PTPRD: variants seen among roughly 807,000 people sequenced by gnomAD.
PTPRD encodes the protein receptor-type tyrosine-protein phosphatase delta.
Under a neutral mutation model 214.5 loss-of-function variants are expected in PTPRD, and 34 were observed. The observed-to-expected ratio is 0.16, with a 90% CI of 0.12 to 0.21. The LOEUF (loss-of-function observed/expected upper bound fraction) is 0.21, where lower values mean the gene tolerates loss of function less well. Among genes scored for constraint, PTPRD ranks in the 10% least tolerant of loss-of-function variants. The pLI is 1.00. For missense variants in PTPRD, 2,545 were observed against 2,398.7 expected (o/e 1.06, Z -1.27); for synonymous variants, 1,128 against 845.7 (o/e 1.33, Z -5.79).
chr9:9,859,693 T>C (rs894427301), intron 5 of PTPRD, among the ~76,000 whole-genome samples: 3 of 152,206 alleles, frequency 2.0e-5, no homozygotes, highest in Non-Finnish European at 2.9e-5. Context: ...ACTTAGTTAA[T>C]GCTCCTGAGA....
intron 3 of PTPRD, among the ~76,000 whole-genome samples, chr9:10,198,824 C>T (rs1015667369): frequency 2.0e-5 from 3 of 151,840 alleles, no homozygotes; most frequent in Non-Finnish European, 4.4e-5. Flanking sequence ...TAAATATTAC[C>T]GTTGTAAATG....
chr9:9,734,175 G>A (rs764607576), intron 7 of PTPRD, among the ~76,000 whole-genome samples: 64 of 152,158 alleles, frequency 4.2e-4, no homozygotes, highest in Admixed American at 1.7e-3. Flanking sequence ...TCTTGCTTCT[G>A]CATTTGATCT....
chr9:9,883,435 G>C (rs1405829701), intron 5 of PTPRD, among the ~76,000 whole-genome samples: 1 of 152,110 alleles, frequency 6.6e-6, no homozygotes, highest in African/African-American at 2.4e-5. Context: ...GTGTGAAGAG[G>C]AGGTCAACTA....
intron 3 of PTPRD, among the ~76,000 whole-genome samples, chr9:10,123,883 A>G (rs2098795821): frequency 6.6e-6 from 1 of 152,188 alleles, no homozygotes; most frequent in Non-Finnish European, 1.5e-5. Context: ...TGCTAAGTCC[A>G]TGGCAAGTAT....
At chr9:10,202,698 A>ATATT (rs1339028268) in intron 3 of PTPRD, among the ~76,000 whole-genome samples, 1 of 145,442 alleles carries the variant, frequency 6.9e-6, no homozygotes, top group African/African-American at 2.5e-5. Flanking sequence ...ATATATATAT[A>ATATT]TGCACCAGTG....
chr9:8,468,714 T>C lies in PTPRD; in HGVS notation c.3504+2281A>G, dbSNP rs540777745. Among the ~76,000 whole-genome samples the C allele has an allele frequency of 2.6e-5, 4 of 151,510 alleles. 1 individual carries two copies. The highest frequency in any genetic ancestry group is 2.6e-4 in the Admixed American group (4 of 15,152). On this transcript the variant is annotated intron_variant, in intron 31 of 45. Transcript: ENST00000381196. ...CTGAAAAATTACTTGATCAAATACA[T>C]TTAAGAGAGGAACACTGCTTTGTCA...
Position 8,418,011 on chromosome 9 carries a change from T to C in PTPRD, c.4087-13351A>G, listed in dbSNP as rs976614951. Among the ~76,000 whole-genome samples, 16 of 152,274 alleles carry C rather than the reference T, an allele frequency of 1.1e-4. No individual in the cohort carries two copies. In the East Asian group the frequency reaches 1.5e-3, roughly 15 times the overall value. ...GTATTATGTTGCTTCCTGTACTGAT[T>C]TAATGTTCTTTAAAGTCAGGAATTG... On this transcript the variant is annotated intron_variant, in intron 35 of 45. Transcript: ENST00000381196.
intron 27 of PTPRD, among the ~76,000 whole-genome samples, chr9:8,487,465 C>T (rs942901599): frequency 3.3e-5 from 5 of 152,070 alleles, no homozygotes; most frequent in Non-Finnish European, 5.9e-5. Context: ...TATGGTGGCT[C>T]ATGTCTATAA....
chr9:9,084,114 T>G (rs1183810461), intron 10 of PTPRD, among the ~76,000 whole-genome samples: 1 of 152,176 alleles, frequency 6.6e-6, no homozygotes, highest in African/African-American at 2.4e-5. Context: ...GTATGTTTAT[T>G]GCAGCACTAT....
intron 12 of PTPRD, among the ~76,000 whole-genome samples, chr9:8,646,683 T>C (rs545248219): frequency 3.3e-5 from 5 of 152,236 alleles, no homozygotes; most frequent in Non-Finnish European, 7.3e-5. Context: ...GCTTTCTGTA[T>C]CTTTTATGAA....
intron 7 of PTPRD, among the ~76,000 whole-genome samples, chr9:9,602,985 G>C (rs570715207): frequency 9.9e-5 from 15 of 151,858 alleles, no homozygotes; most frequent in Non-Finnish European, 1.6e-4. Flanking sequence ...TGAAAGATTA[G>C]GTTGTGTTAC....
chr9:8,934,433 A>G (rs1234201666), intron 11 of PTPRD, among the ~76,000 whole-genome samples: 13 of 41,748 alleles, frequency 3.1e-4, no homozygotes, highest in African/African-American at 9.3e-4. Context: ...ATATATATAT[A>G]TAAATATATA....
At chr9:10,361,729 A>G (rs2097396922) in intron 2 of PTPRD, among the ~76,000 whole-genome samples, 1 of 152,172 alleles carries the variant, frequency 6.6e-6, no homozygotes, top group Non-Finnish European at 1.5e-5. Context: ...TAGGTATTGA[A>G]TAGTATTATA....
At chr9:9,286,722 T>C (rs2133879409) in intron 9 of PTPRD, among the ~76,000 whole-genome samples, 1 of 150,712 alleles carries the variant, frequency 6.6e-6, no homozygotes, top group East Asian at 2.0e-4. Context: ...TAGTTGTCAT[T>C]TTGCACATCT....
chr9:9,869,887 G>A (rs1221545098), intron 5 of PTPRD, among the ~76,000 whole-genome samples: 1 of 151,774 alleles, frequency 6.6e-6, no homozygotes, highest in Admixed American at 6.6e-5. Flanking sequence ...GAGACAAGTG[G>A]GAAAACAATT....
chr9:8,960,631 T>C (rs1310581029), intron 11 of PTPRD, among the ~76,000 whole-genome samples: 3 of 152,246 alleles, frequency 2.0e-5, no homozygotes, highest in African/African-American at 7.2e-5. Context: ...TTTAAAGATC[T>C]GTTAGTCCTG....
At chr9:9,923,142 G>GTGTGTGTA (rs1555340253) in intron 5 of PTPRD, among the ~76,000 whole-genome samples, 7 of 151,384 alleles carry the variant, frequency 4.6e-5, no homozygotes, top group African/African-American at 1.7e-4. Flanking sequence ...GTGTGTGTGT[G>GTGTGTGTA]TGTGTGTATG....
At chr9:9,673,096 C>T (rs916868808) in intron 7 of PTPRD, among the ~76,000 whole-genome samples, 1 of 151,976 alleles carries the variant, frequency 6.6e-6, no homozygotes, top group Non-Finnish European at 1.5e-5. Context: ...GGCTGACAAA[C>T]AGGTACAAAT....
At chr9:9,493,228 C>G (rs2096001832) in intron 8 of PTPRD, among the ~76,000 whole-genome samples, 2 of 151,956 alleles carry the variant, frequency 1.3e-5, no homozygotes, top group African/African-American at 4.8e-5. Flanking sequence ...TGCCTGTGCT[C>G]TAGAAATGGA....
Sources: allele counts gnomAD v4.1 joint callset (sites outside exome capture counted in the v4.1 genomes callset), GRCh38; gene constraint gnomAD v4.1.1; transcripts MANE v1.5; gene names NCBI Gene and HGNC (gene_info 2026-07-23, HGNC 2026-07-21).